SORL1: variants seen among roughly 807,000 people sequenced by gnomAD.
SORL1 encodes sortilin-related receptor.
SORL1 carries 127 observed loss-of-function variants against 273.7 expected under a neutral mutation model. The observed-to-expected ratio is 0.46, with a 90% CI of 0.40 to 0.54. The LOEUF is 0.54. Ranked by LOEUF, SORL1 falls within the 20% of genes least tolerant of loss-of-function variation. The pLI is 0.00. For missense variants in SORL1, 2,494 were observed against 2,846.1 expected, an observed-to-expected ratio of 0.88 and a Z score of 2.81; for synonymous variants, 1,031 against 1,067.4, an observed-to-expected ratio of 0.97 and a Z score of 0.66.
At chr11:121,512,976 A>ATTTTTTTTT in intron 6 of SORL1, 27 bp from the exon 7 acceptor site, 1 of 1,504,040 alleles carries the variant, frequency 6.6e-7, no homozygotes, top group Non-Finnish European at 9.2e-7. Flanking sequence ...GGCACCATTA[A>ATTTTTTTTT]TTTTTTTTTC....
At position 121,577,760 on chromosome 11, in the gene SORL1, A is replaced by G. The variant is rs541520468; in HGVS notation, c.3580+360A>G. ...TAGCTCATGTTTTTTAAAATGGAGC[A>G]TCAGGGGGTTCCCCAGACAAGGAAA... is the stretch of plus-strand genomic sequence containing the variant. On this transcript the variant is annotated intron_variant, in intron 25 of 47. Coordinates refer to ENST00000260197, the MANE Select transcript of SORL1 (RefSeq NM_003105.6). 5.7e-4 allele frequency among the ~76,000 whole-genome samples: 87 copies of G among 152,368 alleles called. 1 individual carries two copies. The highest frequency in any genetic ancestry group is 2.0e-3 in the African/African-American group (85 of 41,598).
At chr11:121,512,906 G>T in intron 6 of SORL1, 97 bp from the exon 7 acceptor site, 1 of 812,100 alleles carries the variant, frequency 1.2e-6, no homozygotes. Flanking sequence ...GTTTCCAGTA[G>T]AACTGGAAGA....
chr11:121,547,641 C>T (rs1862453029), intron 14 of SORL1, among the ~76,000 whole-genome samples: 1 of 151,658 alleles, frequency 6.6e-6, no homozygotes, highest in African/African-American at 2.4e-5. Flanking sequence ...GGTTGCAGGC[C>T]AAATGAGATC....
At chr11:121,509,261 G>A (rs561499452) in intron 6 of SORL1, among the ~76,000 whole-genome samples, 79 of 152,044 alleles carry the variant, frequency 5.2e-4, no homozygotes, top group Non-Finnish European at 7.9e-4. Context: ...GGAGGGCTTA[G>A]TTCTTTACCC....
At chr11:121,611,180 A>T in intron 39 of SORL1, 22 bp downstream of exon 39, 1 of 1,495,720 alleles carries the variant, frequency 6.7e-7, no homozygotes, top group Non-Finnish European at 9.3e-7. Flanking sequence ...ATTTCAAGCC[A>T]GCAGCTGGAT....
At chr11:121,516,875 A>G (rs567240356) in intron 8 of SORL1, among the ~76,000 whole-genome samples, 1 of 152,196 alleles carries the variant, frequency 6.6e-6, no homozygotes, top group East Asian at 1.9e-4. Context: ...AATGTGGTGA[A>G]AGCCCATCTC....
chr11:121,545,225 G>A lies in SORL1; in HGVS notation c.1865-18G>A. 6.2e-7 allele frequency: 1 copy of A among 1,613,638 alleles called. No homozygotes were observed. Among genetic ancestry groups the A allele is most frequent in the South Asian group, 1.1e-5 (1 of 91,064 alleles). On this transcript the variant is annotated intron_variant, in intron 13 of 47. Coordinates refer to ENST00000260197, the MANE Select transcript of SORL1 (RefSeq NM_003105.6). ...GGGCCTGCCTCTAATGCTTCGTGCT[G>A]TGTTCCTTTTTCTTTAGGAGTTCCC...
Position 121,627,338 on chromosome 11 carries a change from T to C in SORL1, c.6365-217T>C, listed in dbSNP as rs571412343. 80 of 582,114 alleles carry C rather than the reference T, an allele frequency of 1.4e-4. No individual in the cohort carries two copies. In the East Asian group the frequency reaches 2.2e-3, roughly 16 times the overall value. The allele number at this position is 582,114 out of a possible 1,614,324, so 36.1% of individuals were successfully genotyped here. ...GATTAGGAGTCTAATGTAATTACCA[T>C]ATTTGCATGCACAAGGCCCTTGGTC... On this transcript the variant is annotated intron_variant, in intron 46 of 47. Coordinates refer to ENST00000260197, the MANE Select transcript of SORL1 (RefSeq NM_003105.6). This position sits in a 1 kb window ranked among gnomAD's most constrained non-coding sequence, Gnocchi z 4.9.
Position 121,452,726 on chromosome 11 carries a change from C to A in SORL1, c.285+110C>A, listed in dbSNP as rs1408985972. The A allele has an allele frequency of 6.2e-6, 6 of 969,872 alleles. No homozygotes were observed. The highest frequency in any genetic ancestry group is 4.2e-5 in the Admixed American group (1 of 24,060). The allele number at this position is 969,872 out of a possible 1,614,324, so 60.1% of individuals were successfully genotyped here. A position where few individuals can be genotyped will look rare whatever the true frequency, so the allele number is the denominator to read the frequency against. ...TCCTAGGTGCAGGCACCACTGGGGA[C>A]TTCCCGGCTTGCATTTGTTTTTTTC... On this transcript the variant is annotated intron_variant, in intron 1 of 47. Coordinates refer to ENST00000260197, the MANE Select transcript of SORL1 (RefSeq NM_003105.6). The surrounding 1 kb of genome is among the most constrained non-coding windows in gnomAD (Gnocchi z 5.3).
chr11:121,454,318 G>A (rs1860865780), intron 1 of SORL1, among the ~76,000 whole-genome samples: 1 of 152,228 alleles, frequency 6.6e-6, no homozygotes, highest in South Asian at 2.1e-4. Context: ...CAGTGCTCAG[G>A]TCCCCTGAAG....
intron 21 of SORL1, among the ~76,000 whole-genome samples, chr11:121,561,892 C>T (rs947170974): frequency 3.9e-5 from 6 of 152,120 alleles, no homozygotes; most frequent in Non-Finnish European, 7.4e-5. Flanking sequence ...TGCCTCCAAA[C>T]ACAGGGCTGG....
At chr11:121,620,980 T>C (rs1233004350) in intron 43 of SORL1, 84 bp from the exon 44 acceptor site, 2 of 986,862 alleles carry the variant, frequency 2.0e-6, no homozygotes, top group Non-Finnish European at 1.5e-6. Flanking sequence ...GCTATTAATA[T>C]ACTACATTGT....
At chr11:121,511,078 A>G (rs1565319839) in intron 6 of SORL1, among the ~76,000 whole-genome samples, 1 of 152,220 alleles carries the variant, frequency 6.6e-6, no homozygotes, top group Non-Finnish European at 1.5e-5. Flanking sequence ...TGGTGGAAGT[A>G]AAACAATACA....
chr11:121,527,833 T>C (rs1235313748), intron 11 of SORL1, among the ~76,000 whole-genome samples: 1 of 152,182 alleles, frequency 6.6e-6, no homozygotes, highest in African/African-American at 2.4e-5. Flanking sequence ...TCATTCTTGA[T>C]ATTGGTGATA....
intron 11 of SORL1, 87 bp from the exon 12 acceptor site, chr11:121,532,377 G>A (rs1032633793): frequency 1.6e-5 from 18 of 1,154,404 alleles, no homozygotes; most frequent in Admixed American, 5.6e-5. Context: ...CTATGTGCAC[G>A]TGTGTGCATG....
intron 14 of SORL1, among the ~76,000 whole-genome samples, chr11:121,546,475 G>A (rs1862428098): frequency 6.6e-6 from 1 of 152,100 alleles, no homozygotes; most frequent in Non-Finnish European, 1.5e-5. Context: ...TTAGTCAGGA[G>A]CACCAAGAGA....
chr11:121,530,136 C>T (rs192285881), intron 11 of SORL1, among the ~76,000 whole-genome samples: 1 of 152,310 alleles, frequency 6.6e-6, no homozygotes, highest in African/African-American at 2.4e-5. Context: ...ATCACATCAA[C>T]ACACATTACA....
Position 121,509,114 on chromosome 11 carries a change from AT to A in SORL1, c.940-3873del, listed in dbSNP as rs558402196. Among the ~76,000 whole-genome samples, 875 of 139,786 alleles carry A rather than the reference AT, an allele frequency of 6.3e-3. 2 individuals are homozygous for A. The highest frequency in any genetic ancestry group is 0.03 in the East Asian group (145 of 4,858). 91.7% of individuals were successfully genotyped at this position (139,786 alleles called of 152,430 possible). ...AGATTTTAGCTATGTTTCATTTATG[AT>A]TTTTTTTTTTTTTTTGTAAACAACA... is the stretch of plus-strand genomic sequence containing the variant. On this transcript the variant is annotated intron_variant, in intron 6 of 47. Coordinates refer to ENST00000260197, the MANE Select transcript of SORL1 (RefSeq NM_003105.6).
rs1413202071 is a variant in SORL1, at chr11:121,631,390, A to T, written c.*1827A>T. ...TAAGTTTTTTTTTTTAAAGACTGGA[A>T]TTTTTTTTGGCTTTATCTTGTCTTA... On this transcript the variant is annotated 3_prime_UTR_variant, in exon 48 of 48. Transcript: ENST00000260197. 2.0e-5 allele frequency: 3 copies of T among 150,886 alleles called. No individual in the cohort carries two copies. Among genetic ancestry groups the T allele is most frequent in the South Asian group, 4.2e-4 (2 of 4,718 alleles). 9.3% of individuals were successfully genotyped at this position (150,886 alleles called of 1,614,324 possible). A position where few individuals can be genotyped will look rare whatever the true frequency, so the allele number is the denominator to read the frequency against.
Sources: allele counts gnomAD v4.1 joint callset (sites outside exome capture counted in the v4.1 genomes callset), GRCh38; gene constraint gnomAD v4.1.1; non-coding constraint Gnocchi (gnomAD v3.1); transcripts MANE v1.5; gene names NCBI Gene and HGNC (gene_info 2026-07-23, HGNC 2026-07-21).